PSD3: variants seen among roughly 807,000 people sequenced by gnomAD.
PSD3 encodes PH and SEC7 domain-containing protein 3.
In PSD3, 49 loss-of-function variants were observed where a neutral mutation model predicts 105.5. That is an observed-to-expected ratio of 0.46 (90% CI 0.37 to 0.59). PSD3 has a LOEUF of 0.59. PSD3 is among the 20% of genes least tolerant of loss of function. The probability of loss-of-function intolerance (pLI) is 0.00; values close to 1 mark genes in which losing one functional copy is unlikely to be tolerated. For synonymous variants in PSD3, 557 were observed against 457.8 expected (o/e 1.22, Z -2.77); for missense variants, 1,561 against 1,263.8 (o/e 1.24, Z -3.57).
intron 9 of PSD3, among the ~76,000 whole-genome samples, chr8:18,734,678 T>C (rs1350815932): frequency 3.9e-5 from 6 of 152,210 alleles, no homozygotes; most frequent in Non-Finnish European, 8.8e-5. Flanking sequence ...ATGTACAGTG[T>C]TGGCTACTGT....
intron 11 of PSD3, among the ~76,000 whole-genome samples, chr8:18,604,205 T>A (rs902980849): frequency 6.6e-6 from 1 of 152,166 alleles, no homozygotes; most frequent in Non-Finnish European, 1.5e-5. Context: ...GGCAGTGATA[T>A]GGACAGCAAA....
At chr8:18,732,997 G>A (rs1395464664) in intron 9 of PSD3, 1 of 152,106 alleles carries the variant, frequency 6.6e-6, no homozygotes, top group Non-Finnish European at 1.5e-5. Context: ...ACGAAGGAGA[G>A]AAAAGAAAGA....
chr8:18,686,604 C>T (rs990124668), intron 9 of PSD3, among the ~76,000 whole-genome samples: 4 of 152,162 alleles, frequency 2.6e-5, no homozygotes, highest in Non-Finnish European at 5.9e-5. Context: ...CAAGAGGTAC[C>T]TGAAAAAGCT....
intron 1 of PSD3, among the ~76,000 whole-genome samples, chr8:18,977,533 CT>C (rs1196607678): frequency 3.3e-5 from 5 of 151,800 alleles, no homozygotes; most frequent in African/African-American, 1.2e-4. Context: ...GATAATGGGC[CT>C]TTTTATTTTC....
chr8:18,889,676 C>A (rs1237975433), intron 2 of PSD3, among the ~76,000 whole-genome samples: 1 of 152,182 alleles, frequency 6.6e-6, no homozygotes, highest in Admixed American at 6.5e-5. Flanking sequence ...TCCCTGTGAT[C>A]CCGTGCAATG....
chr8:18,804,364 C>T (rs1198202883), intron 6 of PSD3, 158 bp downstream of exon 6: 1 of 625,142 alleles, frequency 1.6e-6, no homozygotes, highest in East Asian at 3.0e-5. Context: ...CCAAAATCCA[C>T]AACACTTATG....
At chr8:18,616,186 G>C (rs1805647681) in intron 11 of PSD3, among the ~76,000 whole-genome samples, 1 of 152,246 alleles carries the variant, frequency 6.6e-6, no homozygotes, top group Non-Finnish European at 1.5e-5. Flanking sequence ...CTGAGGTGAT[G>C]CTGCTCCACG....
chr8:18,849,833 C>G (rs1441410835), intron 4 of PSD3: 1 of 152,178 alleles, frequency 6.6e-6, no homozygotes, highest in Non-Finnish European at 1.5e-5. Context: ...GCACATCTTC[C>G]ATGGGTCTCC....
intron 11 of PSD3, among the ~76,000 whole-genome samples, chr8:18,601,567 A>C (rs1804443122): frequency 1.3e-5 from 2 of 152,218 alleles, no homozygotes; most frequent in East Asian, 3.8e-4. Flanking sequence ...CACCATGCTG[A>C]GATATCCACC....
chr8:18,899,968 T>C (rs957187327), intron 2 of PSD3, among the ~76,000 whole-genome samples: 25 of 152,168 alleles, frequency 1.6e-4, no homozygotes, highest in Middle Eastern at 3.4e-3. Context: ...ATAAATGTCC[T>C]TTGTGGAACT....
intron 4 of PSD3, among the ~76,000 whole-genome samples, chr8:18,842,455 C>A (rs535117983): frequency 1.3e-5 from 2 of 152,164 alleles, no homozygotes; most frequent in Non-Finnish European, 2.9e-5. Context: ...TGGCTTTGGC[C>A]GGGCGCGGTG....
At chr8:18,996,954 G>A (rs1484077131) in intron 1 of PSD3, among the ~76,000 whole-genome samples, 1 of 151,826 alleles carries the variant, frequency 6.6e-6, no homozygotes, top group Non-Finnish European at 1.5e-5. Flanking sequence ...CATCTTGCTT[G>A]AAGTGGTTTT....
At chr8:18,823,114 A>G (rs1293368367) in intron 4 of PSD3, among the ~76,000 whole-genome samples, 1 of 141,208 alleles carries the variant, frequency 7.1e-6, no homozygotes. Flanking sequence ...AAAAAAAAAA[A>G]CCTTATCACT....
chr8:18,765,152 T>G (rs374223970), intron 9 of PSD3, among the ~76,000 whole-genome samples: 9 of 152,328 alleles, frequency 5.9e-5, no homozygotes, highest in African/African-American at 2.2e-4. Context: ...TTTCTTAAAT[T>G]CTGATAGTCT....
intron 1 of PSD3, among the ~76,000 whole-genome samples, chr8:19,045,177 T>G (rs1191598655): frequency 6.6e-6 from 1 of 150,712 alleles, no homozygotes; most frequent in Non-Finnish European, 1.5e-5. Flanking sequence ...GGAGCAAGAC[T>G]CCATCAAAAA....
chr8:18,857,276 A>G (rs1816089242), intron 4 of PSD3, among the ~76,000 whole-genome samples: 1 of 152,220 alleles, frequency 6.6e-6, no homozygotes, highest in African/African-American at 2.4e-5. Context: ...AGCAGCTTCC[A>G]GTAAACGCTT....
chr8:18,744,494 G>A (rs1230969649), intron 9 of PSD3, among the ~76,000 whole-genome samples: 4 of 152,164 alleles, frequency 2.6e-5, no homozygotes, highest in Non-Finnish European at 5.9e-5. Context: ...CACTGATCGA[G>A]ATTTGTATTA....
intron 2 of PSD3, among the ~76,000 whole-genome samples, chr8:18,884,833 T>A (rs1818354101): frequency 6.6e-6 from 1 of 152,198 alleles, no homozygotes; most frequent in African/African-American, 2.4e-5. Context: ...ATGATACTAG[T>A]TTACCATTCA....
chr8:19,053,226 C>T (rs760848473), intron 1 of PSD3, among the ~76,000 whole-genome samples: 3 of 152,104 alleles, frequency 2.0e-5, no homozygotes, highest in Middle Eastern at 3.4e-3. Context: ...ACTGGAGTAA[C>T]GTCTTAAAGG....
Sources: allele counts gnomAD v4.1 joint callset (sites outside exome capture counted in the v4.1 genomes callset), GRCh38; gene constraint gnomAD v4.1.1; transcripts MANE v1.5; gene names NCBI Gene and HGNC (gene_info 2026-07-23, HGNC 2026-07-21).